PLXNA4: variants seen among roughly 807,000 people sequenced by gnomAD.
The protein encoded by PLXNA4 is plexin A4, also known as plexin-A4.
PLXNA4 carries 44 observed loss-of-function variants against 191.8 expected under a neutral mutation model. The observed-to-expected ratio is 0.23, with a 90% CI of 0.18 to 0.29. The LOEUF is 0.29. Among genes scored for constraint, PLXNA4 ranks in the 10% least tolerant of loss-of-function variants. PLXNA4 has a pLI of 1.00. For synonymous variants in PLXNA4, 1,082 were observed against 1,009.5 expected, an observed-to-expected ratio of 1.07 and a Z score of -1.36; for missense variants, 1,800 against 2,488.8, an observed-to-expected ratio of 0.72 and a Z score of 5.89.
chr7:132,517,271 C>T (rs75482161), intron 1 of PLXNA4, among the ~76,000 whole-genome samples: 3,873 of 152,194 alleles, frequency 0.025, 94 homozygotes, highest in Admixed American at 0.072. Flanking sequence ...ACATGGTATC[C>T]AGGTGTGACT....
intron 29 of PLXNA4, among the ~76,000 whole-genome samples, chr7:132,141,199 C>T (rs1276010632): frequency 6.6e-6 from 1 of 152,164 alleles, no homozygotes; most frequent in Non-Finnish European, 1.5e-5. Context: ...ACAAGAGCAT[C>T]TAGTTGGCAA....
At chr7:132,603,793 G>A (rs1802865476) in intron 2 of PLXNA4, among the ~76,000 whole-genome samples, 3 of 152,104 alleles carry the variant, frequency 2.0e-5, no homozygotes, top group African/African-American at 4.8e-5. Context: ...CCTTGAGTAT[G>A]GTTTTGAATT....
Position 132,416,815 on chromosome 7 carries a change from G to A in PLXNA4, c.1371+72477C>T, listed in dbSNP as rs141181090. On this transcript the variant is annotated intron_variant, in intron 3 of 31. Coordinates refer to ENST00000321063, the MANE Select transcript of PLXNA4 (RefSeq NM_020911.2). ...GAATAAACCAATGGATGTTTGGCTGGATGGAAGAGTGGATGGATGACACCT... is the reference window on the plus strand; with the variant it reads ...GAATAAACCAATGGATGTTTGGCTGAATGGAAGAGTGGATGGATGACACCT... Among the ~76,000 whole-genome samples, 895 of 152,274 alleles carry A rather than the reference G, an allele frequency of 5.9e-3. 5 individuals carry two copies. The highest frequency in any genetic ancestry group is 0.02 in the African/African-American group (818 of 41,538).
intron 10 of PLXNA4, among the ~76,000 whole-genome samples, chr7:132,207,513 C>T (rs1265813967): frequency 6.6e-6 from 1 of 152,236 alleles, no homozygotes; most frequent in Non-Finnish European, 1.5e-5. Flanking sequence ...GCTTCCCCTC[C>T]ACTGCTGCCT....
At chr7:132,461,997 C>A (rs562993397) in intron 3 of PLXNA4, among the ~76,000 whole-genome samples, 5 of 152,184 alleles carry the variant, frequency 3.3e-5, no homozygotes, top group East Asian at 3.9e-4. Flanking sequence ...TTAAAGTTGT[C>A]CAAATACTTA....
rs1265959831 is a variant in PLXNA4, at chr7:132,158,544, G to A, written c.4660+929C>T. 4.2e-4 allele frequency among the ~76,000 whole-genome samples: 64 copies of A among 152,198 alleles called. 1 individual carries two copies. Among genetic ancestry groups the A allele is most frequent in the Admixed American group, 4.1e-3 (63 of 15,276 alleles). Reference sequence around the variant, plus strand: ...ACAGCAGCCAATACTTACTGAATGTGTACAATGGATCACACACTGCATTAA... The same window carrying A: ...ACAGCAGCCAATACTTACTGAATGTATACAATGGATCACACACTGCATTAA... On this transcript the variant is annotated intron_variant, in intron 25 of 31. Coordinates refer to ENST00000321063, the MANE Select transcript of PLXNA4 (RefSeq NM_020911.2).
At chr7:132,437,500 G>A (rs1181987408) in intron 3 of PLXNA4, among the ~76,000 whole-genome samples, 1 of 151,914 alleles carries the variant, frequency 6.6e-6, no homozygotes, top group East Asian at 1.9e-4. Context: ...AGAGTTAGGG[G>A]GTTGTGCATG....
intron 3 of PLXNA4, among the ~76,000 whole-genome samples, chr7:132,395,833 G>A (rs1309764154): frequency 6.6e-6 from 1 of 152,256 alleles, no homozygotes; most frequent in Non-Finnish European, 1.5e-5. Context: ...AAGCCAGTTA[G>A]CAGCCTGATT....
Position 132,512,096 on chromosome 7 carries a change from G to A in PLXNA4, c.-86-3317C>T, listed in dbSNP as rs76720940. On this transcript the variant is annotated intron_variant, in intron 1 of 31. Coordinates refer to ENST00000321063, the MANE Select transcript of PLXNA4 (RefSeq NM_020911.2). ...CACCATATGCTCTGCCGGCTAACAGGGCCCTCAAAACGTCTCTGCCAACAA... is the reference window on the plus strand; with the variant it reads ...CACCATATGCTCTGCCGGCTAACAGAGCCCTCAAAACGTCTCTGCCAACAA... Among the ~76,000 whole-genome samples the A allele has an allele frequency of 7.0e-3, 1,061 of 152,320 alleles. 6 individuals carry two copies. Among genetic ancestry groups the A allele is most frequent in the African/African-American group, 0.024 (1,005 of 41,576 alleles).
At chr7:132,217,600 C>T (rs908962112) in intron 9 of PLXNA4, among the ~76,000 whole-genome samples, 2 of 152,142 alleles carry the variant, frequency 1.3e-5, no homozygotes, top group Admixed American at 6.5e-5. Context: ...CCCCAACCAA[C>T]CCTCCAAATT....
chr7:132,300,140 A>G (rs939874601), intron 3 of PLXNA4, among the ~76,000 whole-genome samples: 1 of 152,236 alleles, frequency 6.6e-6, no homozygotes, highest in African/African-American at 2.4e-5. Context: ...TAGTGGATGC[A>G]CTGATAATAG....
At chr7:132,132,418 TTCTGTTCTGTTCTGTTCTGTTCTGTTC>T (rs1563047941) in intron 31 of PLXNA4, among the ~76,000 whole-genome samples, 12 of 60,982 alleles carry the variant, frequency 2.0e-4, no homozygotes, top group African/African-American at 7.0e-4. Context: ...TTCTGTTCTG[TTCTGTTCTGTTCTGTTCTGTTCTGTTC>T]TGTTCTGTTC....
intron 12 of PLXNA4, among the ~76,000 whole-genome samples, chr7:132,201,865 G>C (rs114619162): frequency 0.016 from 2,367 of 152,302 alleles, 54 homozygotes; most frequent in African/African-American, 0.054. Context: ...CAATGATGAT[G>C]AGTGAGGAGG....
intron 4 of PLXNA4, among the ~76,000 whole-genome samples, chr7:132,252,174 G>C (rs1287008594): frequency 6.6e-6 from 1 of 152,138 alleles, no homozygotes; most frequent in African/African-American, 2.4e-5. Flanking sequence ...GGGCCCTCTG[G>C]TGTCTGGGTC....
At chr7:132,345,965 C>A (rs958172891) in intron 3 of PLXNA4, among the ~76,000 whole-genome samples, 3 of 152,296 alleles carry the variant, frequency 2.0e-5, no homozygotes, top group South Asian at 4.1e-4. Flanking sequence ...GCGTGAGCTA[C>A]AAGGCTCCTA....
At chr7:132,188,998 GAGAGA>G (rs1388329086) in intron 14 of PLXNA4, among the ~76,000 whole-genome samples, 10 of 50,986 alleles carry the variant, frequency 2.0e-4, no homozygotes, top group African/African-American at 6.3e-4. Flanking sequence ...GGAAAGGAGA[GAGAGA>G]GAGAGAGAGA....
chr7:132,319,658 C>T (rs1802088383), intron 3 of PLXNA4, among the ~76,000 whole-genome samples: 1 of 152,344 alleles, frequency 6.6e-6, no homozygotes, highest in South Asian at 2.1e-4. Flanking sequence ...TTTGCTGTTT[C>T]CTTATGCTAA....
intron 1 of PLXNA4, among the ~76,000 whole-genome samples, chr7:132,515,277 A>G (rs1484336868): frequency 1.3e-5 from 2 of 152,196 alleles, no homozygotes; most frequent in Non-Finnish European, 2.9e-5. Context: ...ACTAAGCCAA[A>G]GGATAGAGAG....
intron 4 of PLXNA4, among the ~76,000 whole-genome samples, chr7:132,290,480 ACCT>A (rs1437391239): frequency 6.6e-6 from 1 of 151,634 alleles, no homozygotes; most frequent in Non-Finnish European, 1.5e-5. Flanking sequence ...ATTTCCCCTC[ACCT>A]CCTTCCCATT....
Sources: allele counts gnomAD v4.1 joint callset (sites outside exome capture counted in the v4.1 genomes callset), GRCh38; gene constraint gnomAD v4.1.1; transcripts MANE v1.5; gene names NCBI Gene and HGNC (gene_info 2026-07-23, HGNC 2026-07-21).